The following EVA1C variants were observed in gnomAD, a reference collection of about 807,000 sequenced individuals.
The protein encoded by EVA1C is protein eva-1 homolog C.
Under a neutral mutation model 45.4 loss-of-function variants are expected in EVA1C, and 25 were observed. That is an observed-to-expected ratio of 0.55 (90% confidence interval 0.40 to 0.77). EVA1C has a LOEUF of 0.77. Among genes scored for constraint, EVA1C ranks in the 30% least tolerant of loss-of-function variants. The pLI, the probability that EVA1C is intolerant of heterozygous loss-of-function variation, is 0.00. For synonymous variants in EVA1C, 190 were observed against 221.2 expected, an observed-to-expected ratio of 0.86 and a Z score of 1.25; for missense variants, 479 against 554.8, an observed-to-expected ratio of 0.86 and a Z score of 1.37.
chr21:32,425,208 C>G (rs1360790707), intron 1 of EVA1C, among the ~76,000 whole-genome samples: 4 of 151,434 alleles, frequency 2.6e-5, no homozygotes, highest in Non-Finnish European at 5.9e-5. Flanking sequence ...GTGGCATGCC[C>G]CTGTAAATCC....
chr21:32,496,532 A>G (rs1249889540), intron 5 of EVA1C, among the ~76,000 whole-genome samples: 2 of 152,196 alleles, frequency 1.3e-5, no homozygotes, highest in Non-Finnish European at 2.9e-5. Context: ...TCCTGCTGTC[A>G]TGTCTAAGCA....
chr21:32,419,802 G>A (rs549096554), intron 1 of EVA1C, among the ~76,000 whole-genome samples: 6 of 152,012 alleles, frequency 3.9e-5, no homozygotes, highest in Non-Finnish European at 8.8e-5. Flanking sequence ...GAAGGTGGGA[G>A]CGGGGGTGGG....
intron 5 of EVA1C, among the ~76,000 whole-genome samples, chr21:32,495,436 T>A (rs1601418421): frequency 6.6e-6 from 1 of 151,966 alleles, no homozygotes; most frequent in Non-Finnish European, 1.5e-5. Context: ...ATGGGGAGGG[T>A]GGAGAAGGAA....
intron 1 of EVA1C, among the ~76,000 whole-genome samples, chr21:32,441,864 G>A (rs1417922349): frequency 4.6e-5 from 7 of 152,132 alleles, no homozygotes; most frequent in African/African-American, 9.7e-5. Context: ...AGCCCAGAAC[G>A]AGGTTTCTTC....
chr21:32,473,702 C>CA lies in EVA1C; in HGVS notation c.634+5861dup, dbSNP rs1308106233. Among the ~76,000 whole-genome samples the CA allele has an allele frequency of 3.9e-5, 6 of 152,092 alleles. No homozygotes were observed. In the East Asian group the frequency reaches 7.7e-4, roughly 20 times the overall value. The stretch of plus-strand genomic sequence containing the variant: ...CCAGAGGGATTGTATTTATTTATTT[C>CA]AAAAAAATTGTTGGAGACAGGGTCT... On this transcript the variant is annotated intron_variant, in intron 4 of 7. Transcript: ENST00000300255.
intron 1 of EVA1C, among the ~76,000 whole-genome samples, chr21:32,416,539 G>A (rs915158525): frequency 1.3e-5 from 2 of 151,824 alleles, no homozygotes; most frequent in Non-Finnish European, 2.9e-5. Flanking sequence ...ATTTTGGCCA[G>A]GCTGGTCTCG....
chr21:32,481,976 G>C (rs143239814), intron 4 of EVA1C, among the ~76,000 whole-genome samples: 106 of 152,286 alleles, frequency 7.0e-4, no homozygotes, highest in African/African-American at 1.9e-3. Flanking sequence ...AGTCCCAAAG[G>C]CCTTTTCCTA....
At chr21:32,489,479 T>G (rs2037083172) in intron 4 of EVA1C, among the ~76,000 whole-genome samples, 1 of 152,222 alleles carries the variant, frequency 6.6e-6, no homozygotes, top group Admixed American at 6.5e-5. Context: ...TATGCCAGTA[T>G]CATACTGTTT....
At chr21:32,459,340 G>A (rs2035911303) in intron 3 of EVA1C, among the ~76,000 whole-genome samples, 1 of 152,168 alleles carries the variant, frequency 6.6e-6, no homozygotes. Flanking sequence ...TCCGCCCCTA[G>A]GCATTGGGAT....
At chr21:32,429,463 C>T (rs1161775355) in intron 1 of EVA1C, among the ~76,000 whole-genome samples, 2 of 152,062 alleles carry the variant, frequency 1.3e-5, no homozygotes, top group African/African-American at 4.8e-5. Flanking sequence ...AAGTGATTCT[C>T]CTGCCTCAGC....
intron 4 of EVA1C, among the ~76,000 whole-genome samples, chr21:32,486,244 C>A (rs1183713371): frequency 6.6e-6 from 1 of 152,210 alleles, no homozygotes; most frequent in Non-Finnish European, 1.5e-5. Context: ...CTGCCTCAAC[C>A]TCCCAAGTAG....
At chr21:32,418,202 A>G (rs2146101956) in intron 1 of EVA1C, among the ~76,000 whole-genome samples, 1 of 152,254 alleles carries the variant, frequency 6.6e-6, no homozygotes, top group South Asian at 2.1e-4. Flanking sequence ...TTTATTCAAG[A>G]TTTATCTTTA....
At chr21:32,415,237 C>G (rs2033988666) in intron 1 of EVA1C, among the ~76,000 whole-genome samples, 1 of 152,198 alleles carries the variant, frequency 6.6e-6, no homozygotes, top group Admixed American at 6.5e-5. Flanking sequence ...GGATCCTCCC[C>G]TGCAGAGCCT....
chr21:32,496,833 C>G, intron 5 of EVA1C: 1 of 848,200 alleles, frequency 1.2e-6, no homozygotes. Flanking sequence ...TGAAAGGAGA[C>G]CAGGTGACTG....
chr21:32,430,112 A>G (rs1317123625), intron 1 of EVA1C, among the ~76,000 whole-genome samples: 3 of 152,140 alleles, frequency 2.0e-5, no homozygotes, highest in African/African-American at 4.8e-5. Context: ...GGCCTTGTTT[A>G]GCACCCTTTG....
At chr21:32,457,878 GAGAA>G (rs1489363372) in intron 3 of EVA1C, among the ~76,000 whole-genome samples, 158 bp downstream of exon 3, 3 of 152,202 alleles carry the variant, frequency 2.0e-5, no homozygotes, top group Non-Finnish European at 4.4e-5. Context: ...GAGACAGAGA[GAGAA>G]AGAAAGACAG....
rs575688450 is a variant in EVA1C at position 32,418,742 on chromosome 21, G to A, written c.160+5729G>A. 6.6e-5 allele frequency among the ~76,000 whole-genome samples: 9 copies of A among 135,906 alleles called. 1 individual carries two copies. The South Asian group carries it at 1.9e-3, about 28-fold the overall frequency. The allele number at this position is 135,906 out of a possible 152,430, so 89.2% of individuals were successfully genotyped here. A position where few individuals can be genotyped will look rare whatever the true frequency, so the allele number is the denominator to read the frequency against. ...CGCCTGCAAGGGTGTTGGGGGTAGG[G>A]AGGAGCAAGGCCAGAAAAAAAAAGT... On this transcript the variant is annotated intron_variant, in intron 1 of 7. Transcript: ENST00000300255.
rs778517645 is a variant in EVA1C, at chr21:32,512,543, C to A, written c.950-2271C>A. ...TACTCTGTCTGCCCTGGGTACCCGG[C>A]CCCTCCCACGACACCACCACTGGGA... On this transcript the variant is annotated intron_variant, in intron 7 of 7. Coordinates refer to ENST00000300255, the MANE Select transcript of EVA1C (RefSeq NM_058187.5). 4.4e-4 allele frequency among the ~76,000 whole-genome samples: 67 copies of A among 152,238 alleles called. 1 individual carries two copies. Among genetic ancestry groups the A allele is most frequent in the Non-Finnish European group, 7.1e-4 (48 of 68,004 alleles).
intron 4 of EVA1C, among the ~76,000 whole-genome samples, chr21:32,476,646 T>A (rs1010445206): frequency 8.6e-5 from 13 of 151,324 alleles, no homozygotes; most frequent in African/African-American, 3.2e-4. Flanking sequence ...CGTCTCAAAA[T>A]AATAATAATA....
Sources: gnomAD v4.1 joint callset for allele counts (sites outside exome capture counted in the v4.1 genomes callset) on GRCh38, gnomAD v4.1.1 for gene constraint, MANE v1.5 for transcripts, NCBI Gene and HGNC (gene_info 2026-07-23, HGNC 2026-07-21) for gene names.